RASAL2: variants seen among roughly 807,000 people sequenced by gnomAD.
RASAL2 encodes RAS protein activator like 2.
In RASAL2, 58 loss-of-function variants were observed where a neutral mutation model predicts 128.9. The ratio of observed to expected loss-of-function variants is 0.45; its 90% CI spans 0.36 to 0.56. The LOEUF (loss-of-function observed/expected upper bound fraction) is 0.56. Among genes scored for constraint, RASAL2 ranks in the 20% least tolerant of loss-of-function variants. The pLI, the probability that RASAL2 is intolerant of heterozygous loss-of-function variation, is 0.00. For missense variants in RASAL2, 1,360 were observed against 1,601.6 expected (o/e 0.85, Z 2.57); for synonymous variants, 561 against 580.8 (o/e 0.97, Z 0.49).
chr1:178,307,972 T>G (rs565741278), intron 3 of RASAL2, among the ~76,000 whole-genome samples: 2 of 152,286 alleles, frequency 1.3e-5, no homozygotes, highest in East Asian at 3.9e-4. Context: ...AAACAGAAAG[T>G]TCAGATTGAA....
rs565160683 is a variant in RASAL2, at chr1:178,304,626, A to G, written c.457+4508A>G. On this transcript the variant is annotated intron_variant, in intron 3 of 17. Coordinates refer to ENST00000367649, the MANE Select transcript of RASAL2 (RefSeq NM_170692.4). ...AATGGTATGTGGCAGCAGAAGCCCT[A>G]CTGAAATGAGTTGAGAAGATAGTGT... Among the ~76,000 whole-genome samples the G allele has an allele frequency of 1.1e-3, 161 of 152,334 alleles. 1 individual carries two copies. Among genetic ancestry groups the G allele is most frequent in the African/African-American group, 3.6e-3 (150 of 41,586 alleles).
In RASAL2 at chr1:178,194,528, G is replaced by A. The variant is rs146450548; in HGVS notation, c.203-89036G>A. On this transcript the variant is annotated intron_variant, in intron 1 of 17. Coordinates refer to ENST00000367649, the MANE Select transcript of RASAL2 (RefSeq NM_170692.4). ...ATTTCTCTAAGCACCAAGGTCTTGG[G>A]CCTGTAGTGATGCATTTTTATGATT... 1.3e-4 allele frequency: 21 copies of A among 158,810 alleles called. No individual in the cohort carries two copies. In the East Asian group the frequency reaches 3.7e-3, roughly 28 times the overall value. 9.8% of individuals were successfully genotyped at this position (158,810 alleles called of 1,614,324 possible).
intron 1 of RASAL2, among the ~76,000 whole-genome samples, chr1:178,105,142 G>C (rs959905209): frequency 6.6e-6 from 1 of 152,104 alleles, no homozygotes; most frequent in African/African-American, 2.4e-5. Flanking sequence ...ATTAATTTAG[G>C]TATGTTCTGA....
At chr1:178,110,978 A>C (rs962373948) in intron 1 of RASAL2, among the ~76,000 whole-genome samples, 1 of 152,022 alleles carries the variant, frequency 6.6e-6, no homozygotes, top group Non-Finnish European at 1.5e-5. Flanking sequence ...TTTGATTTGC[A>C]GTTGGTTCAA....
Position 178,283,587 on chromosome 1 carries a change from C to T in RASAL2, c.226C>T (p.Arg76Cys), listed in dbSNP as rs368618531. The stretch of plus-strand genomic sequence containing the variant: ...AGATGTGAAAGGACCACCCACCCAC[C>T]GTCTGTCTTGTGGTCAGTCACCCTA... ...VYDVKGPPTH[R>C]LSCGQSPYTE... The change falls in exon 2 of 18, where the codon CGT becomes TGT. Residue 76 changes from arginine (R) to cysteine (C), a missense_variant. Arg to Cys is a radical substitution (Grantham distance 180). This residue lies in a region of RASAL2 where 617 missense variants were observed against 714.2 expected (regional missense o/e 0.86). Coordinates refer to ENST00000367649, the MANE Select transcript of RASAL2 (RefSeq NM_170692.4). 3.0e-5 allele frequency: 49 copies of T among 1,613,060 alleles called. No individual in the cohort carries two copies. Among genetic ancestry groups the T allele is most frequent in the South Asian group, 3.0e-4 (27 of 90,966 alleles).
intron 1 of RASAL2, among the ~76,000 whole-genome samples, chr1:178,192,252 AT>A: frequency 1.3e-5 from 2 of 152,092 alleles, no homozygotes; most frequent in African/African-American, 4.8e-5. Flanking sequence ...GTATCTTGTT[AT>A]ACTACTTTTA....
intron 1 of RASAL2, among the ~76,000 whole-genome samples, chr1:178,274,053 A>G (rs989640146): frequency 6.6e-6 from 1 of 152,228 alleles, no homozygotes; most frequent in Non-Finnish European, 1.5e-5. Flanking sequence ...AAAGATGCAT[A>G]TGTAGCTCTG....
chr1:178,253,217 A>G (rs12061012), intron 1 of RASAL2, among the ~76,000 whole-genome samples: 1,549 of 151,978 alleles, frequency 0.01, 23 homozygotes, highest in African/African-American at 0.035. Flanking sequence ...TGGCTGCCTT[A>G]TTTGTGTGTC....
intron 1 of RASAL2, among the ~76,000 whole-genome samples, chr1:178,132,932 C>A (rs970096461): frequency 6.6e-5 from 10 of 152,012 alleles, no homozygotes; most frequent in African/African-American, 2.4e-4. Context: ...CCATACCTAG[C>A]TAATTTTTGT....
At chr1:178,311,553 A>G (rs540938990) in intron 3 of RASAL2, among the ~76,000 whole-genome samples, 8 of 152,198 alleles carry the variant, frequency 5.3e-5, no homozygotes, top group African/African-American at 1.9e-4. Flanking sequence ...GGAAAAAAAA[A>G]AGCCCAAGTA....
intron 3 of RASAL2, chr1:178,372,291 C>G: frequency 2.0e-6 from 2 of 985,312 alleles, no homozygotes; most frequent in South Asian, 4.7e-5. Context: ...ATAGTAGCAC[C>G]GAAGAAGAGA....
intron 1 of RASAL2, among the ~76,000 whole-genome samples, chr1:178,180,653 C>T (rs776195344): frequency 2.3e-4 from 8 of 35,452 alleles, no homozygotes; most frequent in Admixed American, 1.1e-3. Flanking sequence ...GGTGATGGAG[C>T]GAGACTGTCT....
At chr1:178,298,843 A>G (rs528366053) in intron 2 of RASAL2, among the ~76,000 whole-genome samples, 7 of 151,886 alleles carry the variant, frequency 4.6e-5, no homozygotes, top group Non-Finnish European at 7.4e-5. Context: ...ACTATTTAGG[A>G]TGTTACAATT....
chr1:178,414,133 A>C (rs1674594734), intron 4 of RASAL2, among the ~76,000 whole-genome samples: 1 of 152,242 alleles, frequency 6.6e-6, no homozygotes, highest in African/African-American at 2.4e-5. Flanking sequence ...AACCCATCAT[A>C]AGTCAAAAAT....
At chr1:178,221,689 T>G (rs1030118748) in intron 1 of RASAL2, among the ~76,000 whole-genome samples, 1 of 152,178 alleles carries the variant, frequency 6.6e-6, no homozygotes, top group Non-Finnish European at 1.5e-5. Flanking sequence ...TGGCCTATCT[T>G]GATGAATGTT....
At chr1:178,340,216 G>A (rs1304768986) in intron 3 of RASAL2, among the ~76,000 whole-genome samples, 2 of 152,158 alleles carry the variant, frequency 1.3e-5, no homozygotes, top group Non-Finnish European at 2.9e-5. Context: ...TACAGTGTAT[G>A]TGTTTCCATC....
In RASAL2 at chr1:178,181,994, G is replaced by C. The variant is rs1415009460; in HGVS notation, c.202+87300G>C. On this transcript the variant is annotated intron_variant, in intron 1 of 17. Coordinates refer to ENST00000367649, the MANE Select transcript of RASAL2 (RefSeq NM_170692.4). ...CCTTATTTCCATTCTGTATTCTTTGGAAGTCACTGTGCTCAGCACACTTAA... is the reference window on the plus strand; with the variant it reads ...CCTTATTTCCATTCTGTATTCTTTGCAAGTCACTGTGCTCAGCACACTTAA... Among the ~76,000 whole-genome samples the C allele has an allele frequency of 3.3e-5, 5 of 152,160 alleles. No homozygotes were observed. The East Asian group carries it at 9.7e-4, about 29-fold the overall frequency.
At chr1:178,137,015 G>A (rs768668354) in intron 1 of RASAL2, among the ~76,000 whole-genome samples, 3 of 152,098 alleles carry the variant, frequency 2.0e-5, no homozygotes, top group Non-Finnish European at 4.4e-5. Flanking sequence ...AAGGGCCTCT[G>A]AGGTTGTGAC....
intron 1 of RASAL2, among the ~76,000 whole-genome samples, chr1:178,215,033 G>A (rs1038816038): frequency 6.6e-6 from 1 of 152,192 alleles, no homozygotes; most frequent in African/African-American, 2.4e-5. Flanking sequence ...TTCAAACTTC[G>A]TTTTAGCTGT....
Sources: gnomAD v4.1 joint callset for allele counts (sites outside exome capture counted in the v4.1 genomes callset) on GRCh38, gnomAD v4.1.1 for gene constraint, gnomAD v4.1.1 regional missense constraint, MANE v1.5 for transcripts, NCBI Gene and HGNC (gene_info 2026-07-23, HGNC 2026-07-21) for gene names.